Variants in ZNF148 observed in about 807,000 individuals in gnomAD.
ZNF148 encodes the protein Beta-Enolase Repressor Factor-1.
A neutral mutation model predicts 67.7 loss-of-function variants in ZNF148; 7 were observed. That is an observed-to-expected ratio of 0.10 (90% CI 0.06 to 0.19). ZNF148 has a LOEUF of 0.19. Ranked by LOEUF, ZNF148 falls within the 10% of genes least tolerant of loss-of-function variation. ZNF148 has a pLI of 1.00. For missense variants in ZNF148, 583 were observed against 947.1 expected, an observed-to-expected ratio of 0.62 and a Z score of 5.05; for synonymous variants, 333 against 330.7, an observed-to-expected ratio of 1.01 and a Z score of -0.08.
chr3:125,351,169 T>C (rs902080513), intron 1 of ZNF148, among the ~76,000 whole-genome samples: 5 of 151,960 alleles, frequency 3.3e-5, no homozygotes, highest in African/African-American at 1.2e-4. Flanking sequence ...ATTGCACCAC[T>C]GCACTCCAGC....
intron 1 of ZNF148, among the ~76,000 whole-genome samples, chr3:125,363,057 ACT>A (rs1287412131): frequency 6.6e-6 from 1 of 151,972 alleles, no homozygotes; most frequent in Non-Finnish European, 1.5e-5. Context: ...ATCCCTCACC[ACT>A]GTTTCTACAT....
chr3:125,343,886 C>T (rs933003490), intron 1 of ZNF148, among the ~76,000 whole-genome samples: 7 of 152,150 alleles, frequency 4.6e-5, no homozygotes, highest in Middle Eastern at 3.4e-3. Context: ...GAACCAACTC[C>T]GGACACACCA....
chr3:125,358,480 C>G (rs886138807), intron 1 of ZNF148, among the ~76,000 whole-genome samples: 19 of 152,138 alleles, frequency 1.2e-4, no homozygotes, highest in Non-Finnish European at 1.0e-4. Context: ...TTCTCATTTC[C>G]TCAAAGCTAA....
At chr3:125,287,046 C>A (rs1938698742) in intron 5 of ZNF148, among the ~76,000 whole-genome samples, 2 of 152,046 alleles carry the variant, frequency 1.3e-5, no homozygotes, top group African/African-American at 4.8e-5. Context: ...ATGGTTTTGG[C>A]AACTAATTTG....
chr3:125,255,710 C>G (rs1296907083), intron 7 of ZNF148, among the ~76,000 whole-genome samples: 2 of 151,998 alleles, frequency 1.3e-5, no homozygotes, highest in African/African-American at 2.4e-5. Flanking sequence ...AGTTAGGGAA[C>G]TAGTCATAAA....
At chr3:125,243,193 T>C (rs1936444797) in intron 7 of ZNF148, among the ~76,000 whole-genome samples, 1 of 152,230 alleles carries the variant, frequency 6.6e-6, no homozygotes, top group South Asian at 2.1e-4. Context: ...TTTCCTCATA[T>C]GGGATTTTCT....
chr3:125,286,007 A>G (rs1482138702), intron 5 of ZNF148, among the ~76,000 whole-genome samples: 2 of 152,206 alleles, frequency 1.3e-5, no homozygotes, highest in Non-Finnish European at 2.9e-5. Context: ...ACACCCAATA[A>G]GAAGATAATC....
In ZNF148 at chr3:125,313,567, G is replaced by T; in HGVS notation, c.74C>A (p.Thr25Lys). The T allele has an allele frequency of 6.2e-7, 1 of 1,614,154 alleles. No homozygotes were observed. Among genetic ancestry groups the T allele is most frequent in the Non-Finnish European group, 8.5e-7 (1 of 1,180,016 alleles). ...AGACACTCCACCCATTACAACCATT[G>T]TCCTGGAAGACTGCATTTCGTCTAT... Reference protein sequence around the residue: ...GGIDEMQSSRTMVVMGGVSGQ... With the variant: ...GGIDEMQSSRKMVVMGGVSGQ... Residue 25 changes from threonine (T) to lysine (K), a missense_variant, in exon 4 of 9, where the codon ACA becomes AAA. By Grantham distance (78) the Thr-to-Lys change is moderately conservative. Coordinates refer to ENST00000360647, the MANE Select transcript of ZNF148 (RefSeq NM_021964.3).
At chr3:125,292,245 T>A (rs755159716) in intron 4 of ZNF148, among the ~76,000 whole-genome samples, 27 of 152,260 alleles carry the variant, frequency 1.8e-4, no homozygotes, top group Non-Finnish European at 2.1e-4. Flanking sequence ...CATGACCGCA[T>A]GCAAAATTTT....
intron 1 of ZNF148, among the ~76,000 whole-genome samples, chr3:125,343,815 C>T (rs984802094): frequency 2.0e-5 from 3 of 152,102 alleles, no homozygotes; most frequent in Admixed American, 2.0e-4. Context: ...GTAACACTCA[C>T]TGAACGCAAA....
At chr3:125,368,414 C>G (rs1942766537) in intron 1 of ZNF148, among the ~76,000 whole-genome samples, 1 of 152,160 alleles carries the variant, frequency 6.6e-6, no homozygotes. Flanking sequence ...AGCTATCACC[C>G]CTGTTCAAAA....
chr3:125,370,821 A>T (rs1942855274), intron 1 of ZNF148, among the ~76,000 whole-genome samples: 1 of 152,192 alleles, frequency 6.6e-6, no homozygotes, highest in African/African-American at 2.4e-5. Flanking sequence ...TAATTTCCTT[A>T]AAAATGACAA....
At chr3:125,279,044 T>A (rs1938226827) in intron 6 of ZNF148, 80 bp downstream of exon 6, 1 of 1,401,162 alleles carries the variant, frequency 7.1e-7, no homozygotes, top group Non-Finnish European at 9.5e-7. Flanking sequence ...GTCTTAGGAA[T>A]GAATGACAGT....
rs141977224 is a variant in ZNF148 at position 125,348,797 on chromosome 3, A to C, written c.-233-17559T>G. Among the ~76,000 whole-genome samples the C allele has an allele frequency of 4.6e-5, 7 of 152,322 alleles. No individual in the cohort carries two copies. The East Asian group carries it at 9.6e-4, about 21-fold the overall frequency. ...AAAAGCCCCCGAATGTAGCCAAAAC[A>C]ATCTTGAAAAAGAACAACAAAGCTA... On this transcript the variant is annotated intron_variant, in intron 1 of 8. Coordinates refer to ENST00000360647, the MANE Select transcript of ZNF148 (RefSeq NM_021964.3).
At position 125,227,860 on chromosome 3, in the gene ZNF148, T is replaced by A. The variant is rs1935700837; in HGVS notation, c.*4481A>T. 2.0e-5 allele frequency: 3 copies of A among 152,602 alleles called. No homozygotes were observed. The highest frequency in any genetic ancestry group is 2.0e-4 in the Admixed American group (3 of 15,270). 9.5% of individuals were successfully genotyped at this position (152,602 alleles called of 1,614,324 possible). ...AACATTTTTTCCTATAAAATGTAGG[T>A]CATATACATTTATAAATTGGCGGTT... On this transcript the variant is annotated 3_prime_UTR_variant, in exon 9 of 9. Coordinates refer to ENST00000360647, the MANE Select transcript of ZNF148 (RefSeq NM_021964.3).
chr3:125,246,878 G>C (rs1401949971), intron 7 of ZNF148, among the ~76,000 whole-genome samples: 2 of 152,128 alleles, frequency 1.3e-5, no homozygotes, highest in Non-Finnish European at 2.9e-5. Context: ...TAAAACTTTA[G>C]AAAATATCAG....
intron 2 of ZNF148, among the ~76,000 whole-genome samples, chr3:125,330,393 C>A (rs1474101244): frequency 7.0e-6 from 1 of 142,308 alleles, no homozygotes; most frequent in East Asian, 2.0e-4. Flanking sequence ...TTGAGCCCCG[C>A]AGGTAGAGGG....
chr3:125,233,775 C>T lies in ZNF148; in HGVS notation c.951G>A (p.Arg317=), dbSNP rs1250071756. ...CAGATGATTTTTTCTCCGTTTTCTG[C>T]CTTTTCTTTTTTGGCAGTGAGTTGT... The part of the protein sequence containing the change: ...PKDNSLPKKK[R]QKTEKKSSGM... Residue 317 remains arginine, a synonymous_variant, in exon 9 of 9, where the codon AGG becomes AGA. Coordinates refer to ENST00000360647, the MANE Select transcript of ZNF148 (RefSeq NM_021964.3). The surrounding 1 kb of genome is among the most constrained non-coding windows in gnomAD (Gnocchi z 5.1). 8.1e-6 allele frequency: 13 copies of T among 1,613,628 alleles called. No individual in the cohort carries two copies. The highest frequency in any genetic ancestry group is 1.1e-5 in the Non-Finnish European group (13 of 1,179,880).
At chr3:125,287,918 T>C (rs1221270695) in intron 5 of ZNF148, among the ~76,000 whole-genome samples, 185 bp downstream of exon 5, 3 of 151,964 alleles carry the variant, frequency 2.0e-5, no homozygotes, top group Non-Finnish European at 2.9e-5. Flanking sequence ...GTCAGGAACA[T>C]GGTGAAAGAG....
Sources: allele counts gnomAD v4.1 joint callset (sites outside exome capture counted in the v4.1 genomes callset), GRCh38; gene constraint gnomAD v4.1.1; non-coding constraint Gnocchi (gnomAD v3.1); transcripts MANE v1.5; gene names NCBI Gene and HGNC (gene_info 2026-07-23, HGNC 2026-07-21).